The following SORCS1 variants were observed in gnomAD, a reference collection of about 807,000 sequenced individuals.
SORCS1 encodes the protein sortilin related VPS10 domain containing receptor 1, also known as VPS10 domain-containing receptor SorCS1.
SORCS1 carries 60 observed loss-of-function variants against 146.1 expected under a neutral mutation model. That is an observed-to-expected ratio of 0.41 (90% confidence interval 0.33 to 0.51). The LOEUF is 0.51. SORCS1 is among the 20% of genes least tolerant of loss of function. SORCS1 has a pLI of 0.21. For missense variants in SORCS1, 1,352 were observed against 1,487.6 expected (o/e 0.91, Z 1.50); for synonymous variants, 637 against 584.0 (o/e 1.09, Z -1.31).
chr10:106,899,590 G>GTTTT (rs1951619758), intron 2 of SORCS1, among the ~76,000 whole-genome samples: 3 of 132,774 alleles, frequency 2.3e-5, no homozygotes, highest in Non-Finnish European at 1.6e-5. Flanking sequence ...TGCCACCAGG[G>GTTTT]CTTTTTTTTT....
chr10:106,902,448 C>T (rs1589668289), intron 2 of SORCS1, among the ~76,000 whole-genome samples: 1 of 152,024 alleles, frequency 6.6e-6, no homozygotes. Flanking sequence ...TTTAACCATA[C>T]ATTAGAATAC....
At chr10:106,975,466 T>G (rs1955952666) in intron 1 of SORCS1, among the ~76,000 whole-genome samples, 1 of 152,230 alleles carries the variant, frequency 6.6e-6, no homozygotes, top group Non-Finnish European at 1.5e-5. Flanking sequence ...CAGCCAGAAA[T>G]GCTTCACCCT....
At chr10:106,787,236 T>C (rs975971077) in intron 3 of SORCS1, among the ~76,000 whole-genome samples, 2 of 152,202 alleles carry the variant, frequency 1.3e-5, no homozygotes, top group African/African-American at 4.8e-5. Flanking sequence ...AAAGCACTGA[T>C]ATCATTTACA....
Position 107,164,262 on chromosome 10 carries a change from G to A in SORCS1, c.265C>T (p.Leu89=), listed in dbSNP as rs1969938565. ...SVAPGDRALS[L]ERARGTGASM... Reference sequence around the variant, plus strand: ...GCCCCAGTGCCCCGAGCCCGCTCCAGGGATAGCGCTCGGTCCCCGGGGGCC... The same window carrying A: ...GCCCCAGTGCCCCGAGCCCGCTCCAAGGATAGCGCTCGGTCCCCGGGGGCC... The change falls in exon 1 of 26, where the codon CTG becomes TTG. Residue 89 remains leucine (L), a synonymous_variant. Coordinates refer to ENST00000263054, the MANE Select transcript of SORCS1 (RefSeq NM_052918.5). The surrounding 1 kb of genome is among the most constrained non-coding windows in gnomAD (Gnocchi z 6.8). 6.2e-7 allele frequency: 1 copy of A among 1,604,564 alleles called. No homozygotes were observed. The highest frequency in any genetic ancestry group is 1.1e-5 in the South Asian group (1 of 90,782).
chr10:107,172,488 C>A, the SORCS1 span, among the ~76,000 whole-genome samples: 1 of 152,066 alleles, frequency 6.6e-6, no homozygotes, highest in Admixed American at 6.6e-5. Flanking sequence ...TTTCTATATT[C>A]TCTTGGCACT....
chr10:106,791,898 A>G (rs1351132708), intron 3 of SORCS1, among the ~76,000 whole-genome samples: 1 of 152,174 alleles, frequency 6.6e-6, no homozygotes, highest in Non-Finnish European at 1.5e-5. Flanking sequence ...TCCTAATGAC[A>G]GTGAATTTTT....
At chr10:106,814,624 G>A (rs1947636628) in intron 3 of SORCS1, among the ~76,000 whole-genome samples, 2 of 152,110 alleles carry the variant, frequency 1.3e-5, no homozygotes, top group South Asian at 4.1e-4. Flanking sequence ...AAATATACAA[G>A]GTGGTCTTGG....
intron 2 of SORCS1, among the ~76,000 whole-genome samples, chr10:106,851,488 C>G (rs1029173315): frequency 1.3e-4 from 20 of 152,134 alleles, no homozygotes; most frequent in Admixed American, 2.0e-4. Flanking sequence ...GGGCTTTGGT[C>G]TTTTGTGAAA....
chr10:106,789,609 C>T (rs1946218554), intron 3 of SORCS1, among the ~76,000 whole-genome samples: 1 of 152,216 alleles, frequency 6.6e-6, no homozygotes. Context: ...CCACCTCAGC[C>T]TGGACTTCAC....
chr10:106,666,701 C>T lies in SORCS1; in HGVS notation c.2303+988G>A, dbSNP rs1015449004. 6.6e-5 allele frequency among the ~76,000 whole-genome samples: 10 copies of T among 151,734 alleles called. 1 individual carries two copies. Among genetic ancestry groups the T allele is most frequent in the Admixed American group, 1.3e-4 (2 of 15,224 alleles). On this transcript the variant is annotated intron_variant, in intron 17 of 25. Transcript: ENST00000263054. ...CCTCCTGAGTGTCTGAGACTACAGG[C>T]GCACACCACCATGTGCAGTTAATTT...
chr10:106,964,839 C>T (rs1200532665), intron 1 of SORCS1, among the ~76,000 whole-genome samples: 2 of 151,390 alleles, frequency 1.3e-5, no homozygotes, highest in East Asian at 3.9e-4. Flanking sequence ...GACTCTAACT[C>T]CTGGCCTGAA....
chr10:107,156,228 A>C (rs545685217), intron 1 of SORCS1, among the ~76,000 whole-genome samples: 19 of 152,222 alleles, frequency 1.2e-4, no homozygotes, highest in Non-Finnish European at 2.4e-4. Flanking sequence ...AACTTATACA[A>C]AAATAAACCC....
At chr10:107,050,576 T>C (rs1162110175) in intron 1 of SORCS1, among the ~76,000 whole-genome samples, 12 of 152,150 alleles carry the variant, frequency 7.9e-5, no homozygotes, top group Non-Finnish European at 1.5e-5. Context: ...AAAATGGCTT[T>C]AGTGGCACCT....
intron 1 of SORCS1, among the ~76,000 whole-genome samples, chr10:107,134,703 G>A (rs1388534467): frequency 6.6e-6 from 1 of 152,192 alleles, no homozygotes; most frequent in Non-Finnish European, 1.5e-5. Context: ...CAATGTAAGG[G>A]TTGGGGTGGG....
At chr10:107,134,626 G>A (rs615588) in intron 1 of SORCS1, among the ~76,000 whole-genome samples, 1,670 of 151,506 alleles carry the variant, frequency 0.011, 35 homozygotes, top group African/African-American at 0.038. Flanking sequence ...GCATCAGACC[G>A]AGACTCCATC....
At chr10:106,629,114 A>G (rs1848277546) in intron 19 of SORCS1, 88 bp downstream of exon 19, 1 of 1,173,798 alleles carries the variant, frequency 8.5e-7, no homozygotes, top group Non-Finnish European at 1.2e-6. Flanking sequence ...TAACTAGTGT[A>G]CTTCTTCTAG....
At chr10:106,880,614 T>C (rs1166187624) in intron 2 of SORCS1, among the ~76,000 whole-genome samples, 1 of 152,130 alleles carries the variant, frequency 6.6e-6, no homozygotes, top group Admixed American at 6.6e-5. Context: ...TACAATCTAC[T>C]TTGAGAAAAG....
chr10:106,740,756 G>T (rs1425606370), intron 5 of SORCS1, among the ~76,000 whole-genome samples: 1 of 152,142 alleles, frequency 6.6e-6, no homozygotes, highest in African/African-American at 2.4e-5. Context: ...CAACAACTTG[G>T]GTGAAAATAC....
chr10:107,056,503 T>C lies in SORCS1; in HGVS notation c.559-99923A>G, dbSNP rs145381876. Among the ~76,000 whole-genome samples the C allele has an allele frequency of 1.4e-3, 216 of 152,348 alleles. 2 individuals carry two copies. Among genetic ancestry groups the C allele is most frequent in the South Asian group, 0.012 (60 of 4,826 alleles). On this transcript the variant is annotated intron_variant, in intron 1 of 25. Coordinates refer to ENST00000263054, the MANE Select transcript of SORCS1 (RefSeq NM_052918.5). ...TTCTGAGAAAGAGAATGAGGTGTCA[T>C]GTATTCTGGAGGCACAGAAACTTGG...
Sources: allele counts gnomAD v4.1 joint callset (sites outside exome capture counted in the v4.1 genomes callset), GRCh38; gene constraint gnomAD v4.1.1; non-coding constraint Gnocchi (gnomAD v3.1); transcripts MANE v1.5; gene names NCBI Gene and HGNC (gene_info 2026-07-23, HGNC 2026-07-21).